The following GLIS3 variants were observed in gnomAD, a reference collection of about 807,000 sequenced individuals.
The protein encoded by GLIS3 is zinc finger protein GLIS3.
A neutral mutation model predicts 78.6 loss-of-function variants in GLIS3; 53 were observed. The observed-to-expected ratio is 0.67, with a 90% CI of 0.54 to 0.85. The LOEUF is 0.85. GLIS3 is among the 40% of genes least tolerant of loss of function. GLIS3 has a pLI of 0.00. For synonymous variants in GLIS3, 684 were observed against 509.9 expected (o/e 1.34, Z -4.60); for missense variants, 1,703 against 1,231.1 (o/e 1.38, Z -5.74).
chr9:4,241,686 GTTTT>G (rs35581337), intron 2 of GLIS3, among the ~76,000 whole-genome samples: 2 of 151,510 alleles, frequency 1.3e-5, no homozygotes, highest in African/African-American at 2.4e-5. Flanking sequence ...TTTTTGTTTT[GTTTT>G]TTTTGAGATA....
upstream of GLIS3, among the ~76,000 whole-genome samples, chr9:4,302,529 C>A (rs757067892): frequency 9.9e-5 from 15 of 152,218 alleles, no homozygotes; most frequent in African/African-American, 3.4e-4. Flanking sequence ...TTGTAGCAAA[C>A]CCTCAAGAAA....
chr9:3,901,145 T>A (rs1823266979), intron 6 of GLIS3: 1 of 154,406 alleles, frequency 6.5e-6, no homozygotes, highest in Non-Finnish European at 1.4e-5. Context: ...CCACTACCTA[T>A]CCCAAACCTA....
intron 2 of GLIS3, among the ~76,000 whole-genome samples, chr9:4,183,182 G>C (rs1426775755): frequency 2.0e-5 from 3 of 152,182 alleles, no homozygotes; most frequent in Non-Finnish European, 4.4e-5. Flanking sequence ...TTACTTCTGA[G>C]AAACAGGCTG....
the GLIS3 span, among the ~76,000 whole-genome samples, chr9:4,374,035 C>T: frequency 6.6e-6 from 1 of 152,212 alleles, no homozygotes; most frequent in Non-Finnish European, 1.5e-5. Flanking sequence ...TTAACAGTTA[C>T]ATTTCACATC....
At chr9:3,891,325 T>A (rs1252043022) in intron 7 of GLIS3, among the ~76,000 whole-genome samples, 2 of 152,160 alleles carry the variant, frequency 1.3e-5, no homozygotes, top group Non-Finnish European at 2.9e-5. Flanking sequence ...AAGTGTCATT[T>A]CCATTTATAA....
chr9:4,449,541 T>C, the GLIS3 span, among the ~76,000 whole-genome samples: 3 of 152,202 alleles, frequency 2.0e-5, no homozygotes, highest in African/African-American at 7.2e-5. Flanking sequence ...GACCCCCGTG[T>C]AGCCTAACTG....
the GLIS3 span, among the ~76,000 whole-genome samples, chr9:4,391,162 C>T: frequency 6.6e-6 from 1 of 152,168 alleles, no homozygotes; most frequent in African/African-American, 2.4e-5. Context: ...TCTGGCTTTA[C>T]CTGGAGGTCA....
intron 2 of GLIS3, among the ~76,000 whole-genome samples, chr9:4,239,368 C>CT (rs981940988): frequency 2.3e-4 from 33 of 146,564 alleles, no homozygotes; most frequent in African/African-American, 2.5e-4. Flanking sequence ...ACGTTCACGA[C>CT]TTTTTTTTTT....
At chr9:4,447,050 A>C in the GLIS3 span, among the ~76,000 whole-genome samples, 1 of 148,382 alleles carries the variant, frequency 6.7e-6, no homozygotes, top group Non-Finnish European at 1.5e-5. Context: ...ATAATGCTTA[A>C]TTTTTTTTTT....
chr9:4,340,016 A>C (rs1294908807), intron 2 of GLIS3, among the ~76,000 whole-genome samples: 1 of 151,756 alleles, frequency 6.6e-6, no homozygotes, highest in Non-Finnish European at 1.5e-5. Flanking sequence ...GGGAGAAGTC[A>C]ACATTTAATA....
upstream of GLIS3, among the ~76,000 whole-genome samples, chr9:4,304,586 G>T (rs780786878): frequency 3.3e-4 from 51 of 152,266 alleles, no homozygotes; most frequent in Non-Finnish European, 6.2e-4. Flanking sequence ...GGGAAGAAAA[G>T]AAATGGAAAA....
rs566976441 is a variant in GLIS3, at chr9:4,274,723, G to A, written c.388+11315C>T. 3.9e-5 allele frequency among the ~76,000 whole-genome samples: 6 copies of A among 152,310 alleles called. No individual in the cohort carries two copies. In the East Asian group the frequency reaches 5.8e-4, roughly 15 times the overall value. ...ACCCTAAGCACAGGGCACCCCTTCT[G>A]AGTGCAGGACCCTGTGCAGTGACTG... is the stretch of plus-strand genomic sequence containing the variant. On this transcript the variant is annotated intron_variant, in intron 2 of 10. Transcript: ENST00000381971.
rs1045864711 is a variant in GLIS3, at chr9:4,163,465, A to G, written c.389-37524T>C. Among the ~76,000 whole-genome samples the G allele has an allele frequency of 3.3e-5, 5 of 152,240 alleles. No individual in the cohort carries two copies. In the East Asian group the frequency reaches 7.7e-4, roughly 23 times the overall value. Reference sequence around the variant, plus strand: ...AGATCATGGGAATAATTTGTGACCAAACTGAGACGAAGTCCTCACACTTTC... The same window carrying G: ...AGATCATGGGAATAATTTGTGACCAGACTGAGACGAAGTCCTCACACTTTC... On this transcript the variant is annotated intron_variant, in intron 2 of 10. Coordinates refer to ENST00000381971, the MANE Select transcript of GLIS3 (RefSeq NM_001042413.2).
chr9:4,166,576 G>C (rs76605109), intron 2 of GLIS3, among the ~76,000 whole-genome samples: 6,320 of 152,268 alleles, frequency 0.042, 172 homozygotes, highest in African/African-American at 0.075. Flanking sequence ...TAACCAACTG[G>C]CCAACCTTGG....
chr9:4,247,087 T>G (rs1358915245), intron 2 of GLIS3, among the ~76,000 whole-genome samples: 2 of 152,226 alleles, frequency 1.3e-5, no homozygotes, highest in Non-Finnish European at 2.9e-5. Context: ...TTGTCAGCCC[T>G]CCTTGCCTTG....
intron 2 of GLIS3, among the ~76,000 whole-genome samples, chr9:4,257,549 A>AAG (rs1441236580): frequency 8.0e-6 from 1 of 125,730 alleles, no homozygotes; most frequent in Non-Finnish European, 1.7e-5. Context: ...AATTTGCTTG[A>AAG]CAAATTAACA....
intron 2 of GLIS3, among the ~76,000 whole-genome samples, chr9:4,320,652 C>T (rs1268060028): frequency 6.6e-6 from 1 of 152,046 alleles, no homozygotes; most frequent in Non-Finnish European, 1.5e-5. Context: ...TTACTGTTGC[C>T]ACCATCACTA....
At chr9:3,857,973 G>C (rs889602202) in intron 8 of GLIS3, among the ~76,000 whole-genome samples, 3 of 152,184 alleles carry the variant, frequency 2.0e-5, no homozygotes, top group African/African-American at 7.2e-5. Flanking sequence ...AAGGAATCCA[G>C]GTTAACACCT....
chr9:4,175,044 T>C (rs1816697743), intron 2 of GLIS3, among the ~76,000 whole-genome samples: 1 of 152,226 alleles, frequency 6.6e-6, no homozygotes, highest in African/African-American at 2.4e-5. Flanking sequence ...CATGGTTTTC[T>C]GAGCTCAGCA....
Sources: allele counts gnomAD v4.1 joint callset (sites outside exome capture counted in the v4.1 genomes callset), GRCh38; gene constraint gnomAD v4.1.1; transcripts MANE v1.5; gene names NCBI Gene and HGNC (gene_info 2026-07-23, HGNC 2026-07-21).